Variants in SSBP2 observed in about 807,000 individuals in gnomAD.
SSBP2 encodes the protein single stranded DNA binding protein 2.
SSBP2 carries 17 observed loss-of-function variants against 61.8 expected under a neutral mutation model. The observed-to-expected ratio is 0.28, with a 90% confidence interval of 0.19 to 0.41. The LOEUF (loss-of-function observed/expected upper bound fraction) is 0.41, where lower values mean the gene tolerates loss of function less well. SSBP2 is among the 10% of genes least tolerant of loss of function. The pLI, the probability that SSBP2 is intolerant of heterozygous loss-of-function variation, is 1.00. For synonymous variants in SSBP2, 139 were observed against 141.3 expected (o/e 0.98, Z 0.12); for missense variants, 310 against 458.7 (o/e 0.68, Z 2.96).
chr5:81,673,635 A>C (rs1019257676), intron 1 of SSBP2, among the ~76,000 whole-genome samples: 12 of 152,338 alleles, frequency 7.9e-5, no homozygotes, highest in African/African-American at 2.9e-4. Context: ...TACAAAGATG[A>C]GGAGAAAAGA....
At chr5:81,512,525 C>A (rs553653522) in intron 5 of SSBP2, among the ~76,000 whole-genome samples, 1 of 151,994 alleles carries the variant, frequency 6.6e-6, no homozygotes, top group African/African-American at 2.4e-5. Context: ...TAAGATAGGG[C>A]CCCCACGACA....
chr5:81,732,929 A>G (rs934456411), intron 1 of SSBP2, among the ~76,000 whole-genome samples: 1 of 152,220 alleles, frequency 6.6e-6, no homozygotes, highest in Non-Finnish European at 1.5e-5. Context: ...GACAATTAGA[A>G]AACAGTACAT....
chr5:81,513,714 C>G lies in SSBP2; in HGVS notation c.286G>C (p.Ala96Pro). 1 of 1,609,628 alleles carries G rather than the reference C, an allele frequency of 6.2e-7. No individual in the cohort carries two copies. Among genetic ancestry groups the G allele is most frequent in the African/African-American group, 1.3e-5 (1 of 74,896 alleles). The change falls in exon 5 of 17, where the codon GCT becomes CCT. Residue 96 changes from alanine to proline, a missense_variant. Ala to Pro is a conservative substitution (Grantham distance 27). Transcript: ENST00000320672. Reference sequence around the variant, plus strand: ...AGCACTGGACTGGGAGCTGCTGCAGCACTCTGCAAAGAATAAAGGAGAAAC... The same window carrying G: ...AGCACTGGACTGGGAGCTGCTGCAGGACTCTGCAAAGAATAAAGGAGAAAC...
intron 1 of SSBP2, among the ~76,000 whole-genome samples, chr5:81,736,329 GC>G (rs1431969884): frequency 4.2e-4 from 64 of 152,294 alleles, no homozygotes; most frequent in African/African-American, 1.5e-3. Context: ...CTTATACAGT[GC>G]CTGGCACAGA....
At chr5:81,712,724 CTTTGTTTTTTTTTT>C (rs952832316) in intron 1 of SSBP2, among the ~76,000 whole-genome samples, 5 of 109,882 alleles carry the variant, frequency 4.6e-5, no homozygotes, top group Non-Finnish European at 9.6e-5. Context: ...TTGTTTGTTT[CTTTGTTTTTTTTTT>C]TTTGTTTTTT....
chr5:81,613,693 T>A (rs1745683294), intron 4 of SSBP2, among the ~76,000 whole-genome samples: 1 of 152,212 alleles, frequency 6.6e-6, no homozygotes, highest in Admixed American at 6.5e-5. Flanking sequence ...GCCATCTAGT[T>A]GTCAAAATTA....
intron 3 of SSBP2, chr5:81,616,343 A>G (rs1271652810): frequency 3.4e-5 from 5 of 144,990 alleles, no homozygotes; most frequent in African/African-American, 1.3e-4. Flanking sequence ...GGGGTGACGG[A>G]CGCACCTGGA....
At chr5:81,680,852 T>TG (rs1205653058) in intron 1 of SSBP2, among the ~76,000 whole-genome samples, 2 of 152,210 alleles carry the variant, frequency 1.3e-5, no homozygotes, top group Non-Finnish European at 2.9e-5. Flanking sequence ...CTATGAGAAA[T>TG]GGACGGTTCC....
intron 1 of SSBP2, among the ~76,000 whole-genome samples, chr5:81,703,831 G>T (rs143614712): frequency 1.1e-3 from 174 of 152,082 alleles, no homozygotes; most frequent in African/African-American, 4.0e-3. Flanking sequence ...TCCAAAATAT[G>T]GTGACTACTT....
intron 9 of SSBP2, among the ~76,000 whole-genome samples, chr5:81,464,133 T>C (rs1439667951): frequency 6.6e-6 from 1 of 152,088 alleles, no homozygotes; most frequent in Non-Finnish European, 1.5e-5. Context: ...TACACAAACT[T>C]CATAATTCTG....
At chr5:81,673,738 G>C (rs1045425827) in intron 1 of SSBP2, among the ~76,000 whole-genome samples, 1 of 152,100 alleles carries the variant, frequency 6.6e-6, no homozygotes, top group Non-Finnish European at 1.5e-5. Context: ...GGTATTAGAG[G>C]GCTTGGTCTT....
intron 4 of SSBP2, among the ~76,000 whole-genome samples, chr5:81,556,325 G>T (rs1772599990): frequency 6.6e-6 from 1 of 152,056 alleles, no homozygotes; most frequent in Non-Finnish European, 1.5e-5. Context: ...ACGGGTACCA[G>T]AAAGACTTTC....
chr5:81,654,459 A>C (rs575537419), intron 1 of SSBP2, among the ~76,000 whole-genome samples: 1 of 152,326 alleles, frequency 6.6e-6, no homozygotes, highest in Non-Finnish European at 1.5e-5. Context: ...AAAGCACAGT[A>C]AGTAATAACA....
chr5:81,448,715 T>C lies in SSBP2; in HGVS notation c.723+75A>G. The C allele has an allele frequency of 2.7e-6, 4 of 1,470,122 alleles. No homozygotes were observed. In the Admixed American group the frequency reaches 5.1e-5, roughly 19 times the overall value. The allele number at this position is 1,470,122 out of a possible 1,614,324, so 91.1% of individuals were successfully genotyped here. Reference sequence around the variant, plus strand: ...CAATACACAGGGGCTCTTCTTAACATCTGGACAACTGTTTCATTGCCCAAA... The same window carrying C: ...CAATACACAGGGGCTCTTCTTAACACCTGGACAACTGTTTCATTGCCCAAA... On this transcript the variant is annotated intron_variant, in intron 11 of 16. Transcript: ENST00000320672.
At chr5:81,584,755 A>G (rs1774934946) in intron 4 of SSBP2, among the ~76,000 whole-genome samples, 1 of 152,320 alleles carries the variant, frequency 6.6e-6, no homozygotes, top group East Asian at 1.9e-4. Context: ...GAGCAAACTG[A>G]GGAAGATACA....
At chr5:81,598,070 A>T (rs1049614706) in intron 4 of SSBP2, among the ~76,000 whole-genome samples, 1 of 151,748 alleles carries the variant, frequency 6.6e-6, no homozygotes, top group Admixed American at 6.6e-5. Context: ...AATACTTTAA[A>T]ACATAATAGC....
chr5:81,649,668 G>A (rs1749566167), intron 2 of SSBP2, among the ~76,000 whole-genome samples: 1 of 151,776 alleles, frequency 6.6e-6, no homozygotes, highest in Non-Finnish European at 1.5e-5. Flanking sequence ...CAATCTATTG[G>A]CTGCTATGCT....
intron 1 of SSBP2, among the ~76,000 whole-genome samples, chr5:81,675,289 C>G (rs965051259): frequency 1.3e-5 from 2 of 152,152 alleles, no homozygotes; most frequent in South Asian, 4.1e-4. Flanking sequence ...AGTCCCCCAT[C>G]ATCTCCCTTA....
chr5:81,585,205 A>T (rs1032873858), intron 4 of SSBP2, among the ~76,000 whole-genome samples: 4 of 151,802 alleles, frequency 2.6e-5, no homozygotes, highest in African/African-American at 9.7e-5. Flanking sequence ...CCCATACTCA[A>T]TCCTCCCTTA....
Sources: allele counts gnomAD v4.1 joint callset (sites outside exome capture counted in the v4.1 genomes callset), GRCh38; gene constraint gnomAD v4.1.1; transcripts MANE v1.5; gene names NCBI Gene and HGNC (gene_info 2026-07-23, HGNC 2026-07-21).